HUWE1: variants seen among roughly 807,000 people sequenced by gnomAD.
HUWE1 encodes E3 ubiquitin-protein ligase HUWE1.
In HUWE1, 18 loss-of-function variants were observed where a neutral mutation model predicts 299.4. That is an observed-to-expected ratio of 0.06 (90% CI 0.04 to 0.09). The LOEUF (loss-of-function observed/expected upper bound fraction) is 0.09. HUWE1 is among the 10% of genes least tolerant of loss of function. The probability of loss-of-function intolerance (pLI) is 1.00; values close to 1 mark genes in which losing one functional copy is unlikely to be tolerated. For missense variants in HUWE1, 1,832 were observed against 3,462.3 expected (o/e 0.53, Z 11.82); for synonymous variants, 1,317 against 1,286.1 (o/e 1.02, Z -0.51).
chrX:53,558,808 C>T lies in HUWE1; in HGVS notation c.8007G>A (p.Val2669=), dbSNP rs2062149067. ...DAESMHDCVS[V]VKVSIVNHLE... is the part of the protein sequence containing the mutation. ...GGTGATTGACAATGGACACTTTAAC[C>T]ACTGTTTCAAAGAGGCAAAAATCAA... Residue 2669 remains valine, a splice_region_variant and synonymous_variant, in exon 59 of 84, where the codon GTG becomes GTA. Coordinates refer to ENST00000262854, the MANE Select transcript of HUWE1 (RefSeq NM_031407.7). 1 of 1,209,838 alleles carries T rather than the reference C, an allele frequency of 8.3e-7. No individual in the cohort carries two copies. Among genetic ancestry groups the T allele is most frequent in the Admixed American group, 2.2e-5 (1 of 45,732 alleles).
At chrX:53,551,231 G>A (rs782649728) in intron 64 of HUWE1, 35 bp downstream of exon 64, 1 of 1,210,663 alleles carries the variant, frequency 8.3e-7, no homozygotes, top group Admixed American at 2.2e-5. Flanking sequence ...TCTCCTGCCA[G>A]GCAGCCTGGC....
rs1556920625 is a variant in HUWE1, at chrX:53,543,878, T to G, written c.11342A>C (p.Glu3781Ala). 4 of 1,210,661 alleles carry G rather than the reference T, an allele frequency of 3.3e-6. No individual in the cohort carries two copies. The highest frequency in any genetic ancestry group is 4.5e-6 in the Non-Finnish European group (4 of 894,790). Residue 3781 changes from glutamate (E) to alanine (A), a missense_variant, in exon 73 of 84, where the codon GAG becomes GCG. Coordinates refer to ENST00000262854, the MANE Select transcript of HUWE1 (RefSeq NM_031407.7). ...EADAIIQMVR[E>A]GQRARRQQQA... ...TTGCTGTCTCCGCGCCCTTTGACCC[T>G]CACGTACCATTTGTATAATGGCATC...
At chrX:53,678,702 G>T (rs1557051998) in intron 3 of HUWE1, among the ~76,000 whole-genome samples, 1 of 111,956 alleles carries the variant, frequency 8.9e-6, no homozygotes, top group Non-Finnish European at 1.9e-5. Flanking sequence ...GGTCTTAATA[G>T]CTTAGAAGTT....
intron 43 of HUWE1, among the ~76,000 whole-genome samples, chrX:53,578,803 T>TG (rs1332227238): frequency 6.2e-4 from 11 of 17,682 alleles, no homozygotes; most frequent in South Asian, 3.5e-3. Flanking sequence ...GGGAGGGAGG[T>TG]GGGGGGGGGT....
intron 6 of HUWE1, among the ~76,000 whole-genome samples, chrX:53,645,839 A>G (rs782251403): frequency 8.6e-5 from 9 of 104,383 alleles, no homozygotes; most frequent in African/African-American, 3.1e-4. Flanking sequence ...GCAGTTAGCT[A>G]TAAAGTGCAA....
intron 51 of HUWE1, among the ~76,000 whole-genome samples, chrX:53,564,129 C>G (rs1198249403): frequency 8.9e-6 from 1 of 112,061 alleles, no homozygotes; most frequent in African/African-American, 3.2e-5. Context: ...CAATTTCTTA[C>G]CCAATGCTAC....
chrX:53,646,814 G>A (rs1230150960), intron 6 of HUWE1, among the ~76,000 whole-genome samples: 1 of 111,903 alleles, frequency 8.9e-6, no homozygotes, highest in Non-Finnish European at 1.9e-5. Flanking sequence ...CTAAAGTTGG[G>A]CTTCTATAAA....
intron 7 of HUWE1, among the ~76,000 whole-genome samples, chrX:53,641,502 A>G (rs1228893064): frequency 1.8e-5 from 2 of 111,919 alleles, no homozygotes; most frequent in Non-Finnish European, 1.9e-5. Flanking sequence ...ATGCTAAAAT[A>G]AAAAGTGTCA....
chrX:53,594,123 A>C (rs1398290860), intron 31 of HUWE1, among the ~76,000 whole-genome samples: 2 of 111,297 alleles, frequency 1.8e-5, no homozygotes, highest in East Asian at 2.8e-4. Context: ...AAAACAAAAC[A>C]AAAAAAACAC....
At chrX:53,557,492 A>G (rs1375310289) in intron 59 of HUWE1, 65 bp from the exon 60 acceptor site, 3 of 883,614 alleles carry the variant, frequency 3.4e-6, no homozygotes, top group Admixed American at 4.4e-5. Flanking sequence ...GTCAACTGTA[A>G]TAGTCACCAT....
Position 53,593,880 on chromosome X carries a change from C to T in HUWE1, c.3504-279G>A, listed in dbSNP as rs956714739. ...TTGGGAGGCTGAGGCGGGTGGATCA[C>T]GAAGTCAGGAGATCGAGACCATCCT... On this transcript the variant is annotated intron_variant, in intron 31 of 83. Coordinates refer to ENST00000262854, the MANE Select transcript of HUWE1 (RefSeq NM_031407.7). 3.6e-5 allele frequency among the ~76,000 whole-genome samples: 4 copies of T among 111,750 alleles called. 1 individual carries two copies. Among genetic ancestry groups the T allele is most frequent in the Non-Finnish European group, 7.5e-5 (4 of 53,099 alleles).
chrX:53,532,750 T>G lies in HUWE1; in HGVS notation c.*559A>C, dbSNP rs1369336476. Reference sequence around the variant, plus strand: ...CTAGCATGTGCTTAAGAGTTTTTTGTTTTTTTTTTTAAGTTTGAAAAAAAC... The same window carrying G: ...CTAGCATGTGCTTAAGAGTTTTTTGGTTTTTTTTTTAAGTTTGAAAAAAAC... On this transcript the variant is annotated 3_prime_UTR_variant, in exon 84 of 84. Coordinates refer to ENST00000262854, the MANE Select transcript of HUWE1 (RefSeq NM_031407.7). The G allele has an allele frequency of 2.9e-5, 3 of 102,585 alleles. No homozygotes were observed. The highest frequency in any genetic ancestry group is 4.0e-5 in the Non-Finnish European group (2 of 50,148). The allele number at this position is 102,585 out of a possible 1,213,427, so 8.5% of individuals were successfully genotyped here.
chrX:53,621,606 C>T (rs782336572), intron 19 of HUWE1, among the ~76,000 whole-genome samples: 1 of 108,833 alleles, frequency 9.2e-6, no homozygotes, highest in Non-Finnish European at 1.9e-5. Context: ...ATCATAACTC[C>T]ACTGCCCCAT....
At chrX:53,642,164 A>G (rs1557031775) in intron 7 of HUWE1, among the ~76,000 whole-genome samples, 1 of 111,929 alleles carries the variant, frequency 8.9e-6, no homozygotes, top group African/African-American at 3.2e-5. Context: ...GAAACCTCGG[A>G]TAAGGGGAGA....
At chrX:53,591,309 C>G (rs1556978780) in intron 33 of HUWE1, among the ~76,000 whole-genome samples, 187 bp from the exon 34 acceptor site, 1 of 111,898 alleles carries the variant, frequency 8.9e-6, no homozygotes, top group African/African-American at 3.3e-5. Context: ...GCATTCTAAG[C>G]TACACATTGG....
chrX:53,564,514 C>G (rs782678767), intron 51 of HUWE1, 60 bp downstream of exon 51: 89 of 1,182,401 alleles, frequency 7.5e-5, no homozygotes, highest in Non-Finnish European at 9.1e-5. Context: ...ACCCACACCA[C>G]CTGGCAAGGG....
At chrX:53,663,640 G>C (rs1478272937) in intron 3 of HUWE1, among the ~76,000 whole-genome samples, 4 of 111,735 alleles carry the variant, frequency 3.6e-5, no homozygotes, top group Non-Finnish European at 5.6e-5. Context: ...GTCTTGAAAA[G>C]ACGGAGTAAC....
rs1557015375 is a variant in HUWE1 at position 53,624,608 on chromosome X, T to G, written c.1659A>C (p.Ser553=). 8.4e-7 allele frequency: 1 copy of G among 1,197,473 alleles called. No homozygotes were observed. Among genetic ancestry groups the G allele is most frequent in the East Asian group, 3.0e-5 (1 of 33,713 alleles). ...IISNAEYYGP[S]LFLLATEVVT... ...AACTCCACTTACCTAGGAGGAAGAG[T>G]GATGGGCCATAGTATTCTGCATTGC... The change falls in exon 19 of 84, where the codon TCA becomes TCC. Residue 553 remains serine, a synonymous_variant. Coordinates refer to ENST00000262854, the MANE Select transcript of HUWE1 (RefSeq NM_031407.7).
intron 15 of HUWE1, 31 bp downstream of exon 15, chrX:53,628,462 T>C (rs2066667231): frequency 9.1e-7 from 1 of 1,097,055 alleles, no homozygotes; most frequent in Non-Finnish European, 1.2e-6. Context: ...CCCCATGTAG[T>C]TTAAAAAAAA....
Sources: allele counts gnomAD v4.1 joint callset (sites outside exome capture counted in the v4.1 genomes callset), GRCh38; gene constraint gnomAD v4.1.1; transcripts MANE v1.5; gene names NCBI Gene and HGNC (gene_info 2026-07-23, HGNC 2026-07-21).